MYO18B: variants seen among roughly 807,000 people sequenced by gnomAD.
The protein encoded by MYO18B is myosin XVIIIB, also known as unconventional myosin-XVIIIb.
Under a neutral mutation model 273.0 loss-of-function variants are expected in MYO18B, and 204 were observed. The observed-to-expected ratio is 0.75, with a 90% confidence interval of 0.67 to 0.84. The LOEUF is 0.84. Ranked by LOEUF, MYO18B falls within the 40% of genes least tolerant of loss-of-function variation. The pLI is 0.00. For synonymous variants in MYO18B, 1,330 were observed against 1,305.7 expected, an observed-to-expected ratio of 1.02 and a Z score of -0.40; for missense variants, 3,212 against 3,287.6, an observed-to-expected ratio of 0.98 and a Z score of 0.56.
intron 40 of MYO18B, among the ~76,000 whole-genome samples, chr22:26,000,323 G>T (rs963604751): frequency 3.3e-5 from 5 of 152,206 alleles, no homozygotes; most frequent in African/African-American, 9.6e-5. Context: ...GCCATCCTCT[G>T]ATTGGAGTGA....
chr22:25,852,279 C>T (rs1276498806), intron 21 of MYO18B, among the ~76,000 whole-genome samples: 1 of 152,204 alleles, frequency 6.6e-6, no homozygotes, highest in African/African-American at 2.4e-5. Flanking sequence ...AGCTCAGATA[C>T]CATTCTTCAT....
At position 25,952,311 on chromosome 22, in the gene MYO18B, A is replaced by G. The variant is rs553075067; in HGVS notation, c.5858A>G (p.Glu1953Gly). The G allele has an allele frequency of 2.8e-5, 45 of 1,611,060 alleles. No homozygotes were observed. In the South Asian group the frequency reaches 4.3e-4, roughly 15 times the overall value. ...CTGCAGGTGGCTCAGATGCGCATCG[A>G]GTACCTGGAACAGTCCACCGTGGAT... Reference protein sequence around the residue: ...EQLQVAQMRIEYLEQSTVDRA... With the variant: ...EQLQVAQMRIGYLEQSTVDRA... Residue 1953 changes from glutamate to glycine, a missense_variant, in exon 38 of 44, where the codon GAG (glutamate) becomes GGG (glycine). Physicochemically the swap from Glu to Gly is moderately conservative, Grantham distance 98. Transcript: ENST00000335473.
intron 12 of MYO18B, among the ~76,000 whole-genome samples, chr22:25,802,749 T>C: frequency 2.1e-5 from 1 of 47,940 alleles, no homozygotes; most frequent in Non-Finnish European, 4.2e-5. Flanking sequence ...CAAGACTCTG[T>C]CTCAAAAAAA....
At chr22:26,043,733 C>T in the MYO18B span, among the ~76,000 whole-genome samples, 1 of 151,894 alleles carries the variant, frequency 6.6e-6, no homozygotes, top group Non-Finnish European at 1.5e-5. Flanking sequence ...CCAGACTGGT[C>T]TCGAACTCCT....
intron 13 of MYO18B, among the ~76,000 whole-genome samples, chr22:25,825,094 C>T (rs147317517): frequency 1.2e-4 from 18 of 152,296 alleles, no homozygotes; most frequent in African/African-American, 4.3e-4. Context: ...CACACATATG[C>T]ACAGGCACAA....
At chr22:25,895,823 T>C (rs2091785403) in intron 28 of MYO18B, among the ~76,000 whole-genome samples, 1 of 152,178 alleles carries the variant, frequency 6.6e-6, no homozygotes, top group African/African-American at 2.4e-5. Flanking sequence ...TCATGTTGGA[T>C]TTTTTTCCTT....
chr22:25,808,951 C>T (rs183835644), intron 12 of MYO18B, among the ~76,000 whole-genome samples: 5 of 152,042 alleles, frequency 3.3e-5, no homozygotes, highest in South Asian at 4.2e-4. Flanking sequence ...CTGACCTGGG[C>T]GGTTTTTTTT....
chr22:25,769,508 A>C, intron 4 of MYO18B, 80 bp downstream of exon 4: 2 of 1,138,014 alleles, frequency 1.8e-6, no homozygotes, highest in Non-Finnish European at 2.4e-6. Context: ...GATCTGCCCC[A>C]GGGATGGACA....
chr22:26,049,157 C>T, the MYO18B span, among the ~76,000 whole-genome samples: 1 of 152,308 alleles, frequency 6.6e-6, no homozygotes, highest in Admixed American at 6.5e-5. Context: ...GGGGCTGCCC[C>T]CAGCTGTCAA....
chr22:25,878,760 G>A (rs2091265383), intron 25 of MYO18B, among the ~76,000 whole-genome samples: 1 of 152,202 alleles, frequency 6.6e-6, no homozygotes, highest in Admixed American at 6.5e-5. Context: ...TGTGGCAGTG[G>A]GAATTCTTAT....
chr22:26,017,248 C>G (rs893797060), intron 42 of MYO18B, among the ~76,000 whole-genome samples: 9 of 151,442 alleles, frequency 5.9e-5, no homozygotes, highest in African/African-American at 2.2e-4. Context: ...CAACTCGTAG[C>G]TTCTACTTTG....
At chr22:25,954,023 T>C (rs902055670) in intron 38 of MYO18B, among the ~76,000 whole-genome samples, 1 of 152,228 alleles carries the variant, frequency 6.6e-6, no homozygotes, top group African/African-American at 2.4e-5. Flanking sequence ...TTATCCCCAC[T>C]GCCTGTGGCT....
At chr22:26,031,053 G>A (rs145615590), downstream of MYO18B, 154 of 397,420 alleles carry the variant, frequency 3.9e-4, no homozygotes, top group African/African-American at 2.9e-3. Context: ...GAACGCATGC[G>A]ACACACTGAT....
At chr22:25,810,979 T>A (rs2088724678) in intron 12 of MYO18B, among the ~76,000 whole-genome samples, 1 of 152,134 alleles carries the variant, frequency 6.6e-6, no homozygotes, top group African/African-American at 2.4e-5. Flanking sequence ...ATAATTTCAC[T>A]ACCCTAAACT....
intron 42 of MYO18B, among the ~76,000 whole-genome samples, chr22:26,021,438 T>C (rs527621115): frequency 1.3e-5 from 2 of 152,352 alleles, no homozygotes; most frequent in East Asian, 3.9e-4. Flanking sequence ...GGCAATTCAC[T>C]CATGTATCCA....
intron 13 of MYO18B, among the ~76,000 whole-genome samples, chr22:25,824,968 G>A (rs1053125166): frequency 6.6e-6 from 1 of 151,888 alleles, no homozygotes; most frequent in Admixed American, 6.5e-5. Flanking sequence ...AGCATACACA[G>A]CACACACACA....
At chr22:25,839,593 C>T (rs948318107) in intron 17 of MYO18B, among the ~76,000 whole-genome samples, 5 of 152,180 alleles carry the variant, frequency 3.3e-5, no homozygotes, top group Non-Finnish European at 5.9e-5. Flanking sequence ...CAGTGGCTTC[C>T]CAGGGCCCTA....
At chr22:25,890,912 G>T in intron 26 of MYO18B, 37 bp downstream of exon 26, 1 of 1,604,206 alleles carries the variant, frequency 6.2e-7, no homozygotes, top group Non-Finnish European at 8.5e-7. Flanking sequence ...GGCTGAACAC[G>T]GTGGCTAAAA....
intron 19 of MYO18B, 78 bp from the exon 20 acceptor site, chr22:25,847,348 TAATG>T (rs1427686877): frequency 1.5e-6 from 2 of 1,295,898 alleles, no homozygotes; most frequent in African/African-American, 1.5e-5. Flanking sequence ...AGGTTGGGCT[TAATG>T]AATATTTGGA....
Sources: gnomAD v4.1 joint callset for allele counts (sites outside exome capture counted in the v4.1 genomes callset) on GRCh38, gnomAD v4.1.1 for gene constraint, MANE v1.5 for transcripts, NCBI Gene and HGNC (gene_info 2026-07-23, HGNC 2026-07-21) for gene names.